The following NOL3 variants were observed in gnomAD, a reference collection of about 807,000 sequenced individuals.
The protein encoded by NOL3 is nucleolar protein 3.
Under a neutral mutation model 19.2 loss-of-function variants are expected in NOL3, and 18 were observed. The ratio of observed to expected loss-of-function variants is 0.94; its 90% CI spans 0.65 to 1.39. The LOEUF (loss-of-function observed/expected upper bound fraction) is 1.39. Among genes scored for constraint, NOL3 ranks in the 40% most tolerant of loss-of-function variants. The pLI is 0.00. For synonymous variants in NOL3, 127 were observed against 137.3 expected (o/e 0.93, Z 0.52); for missense variants, 290 against 289.5 (o/e 1.00, Z -0.01).
At chr16:67,175,062 A>G (rs1355901068) in exon 4 of NOL3, 1 of 1,614,240 alleles carries the variant, frequency 6.2e-7, no homozygotes, top group Non-Finnish European at 8.5e-7. Context: ...TGAAGGCCAG[A>G]GCTCTGACAG....
At chr16:67,173,070 C>T (rs988675291) in intron 1 of NOL3, 6 of 143,770 alleles carry the variant, frequency 4.2e-5, no homozygotes, top group African/African-American at 1.6e-4. Context: ...TGCACTCCAG[C>T]TTGGGCAACA....
chr16:67,174,887 G>A (rs765664586), exon 3 of NOL3: 2 of 1,613,460 alleles, frequency 1.2e-6, no homozygotes, highest in Middle Eastern at 1.6e-4. Context: ...GCCGGAACTG[G>A]AGCCAGAACC....
exon 4 of NOL3, chr16:67,175,224 G>A (rs1470044421): frequency 2.6e-6 from 4 of 1,509,812 alleles, no homozygotes; most frequent in Admixed American, 2.2e-5. Flanking sequence ...CTGGCTGTTT[G>A]CCCAGGAACT....
rs1597248138 is a variant in NOL3 at position 67,170,706 on chromosome 16, T to G, written c.-9+132T>G. On this transcript the variant is annotated intron_variant, in intron 1 of 3. Transcript: ENST00000268605. This position sits in a 1 kb window ranked among gnomAD's most constrained non-coding sequence, Gnocchi z 5.7. ...GCGCTCGGGGGTCGGGGGGGCGGGG[T>G]GGGTAGGACTGTGGGCCCCGCCCTG... The G allele has an allele frequency of 1.4e-5, 2 of 141,316 alleles. No homozygotes were observed. The highest frequency in any genetic ancestry group is 2.7e-5 in the African/African-American group (1 of 36,536). The allele number at this position is 141,316 out of a possible 1,614,324, so 8.8% of individuals were successfully genotyped here. A position where few individuals can be genotyped will look rare whatever the true frequency, so the allele number is the denominator to read the frequency against.
At chr16:67,175,286 C>A (rs747502764) in exon 4 of NOL3, 13 of 1,426,444 alleles carry the variant, frequency 9.1e-6, no homozygotes, top group African/African-American at 1.4e-5. Context: ...AAGCCCACCA[C>A]GAGCATCATC....
exon 3 of NOL3, chr16:67,174,880 G>GGAACTGGAGCCA (rs1567677252): frequency 2.5e-6 from 4 of 1,612,416 alleles, no homozygotes; most frequent in Non-Finnish European, 3.4e-6. Flanking sequence ...AACCAGAGCC[G>GGAACTGGAGCCA]GAACTGGAGC....
At chr16:67,173,932 G>A in intron 1 of NOL3, 1 of 1,536,346 alleles carries the variant, frequency 6.5e-7, no homozygotes, top group East Asian at 2.4e-5. Flanking sequence ...GGGACAGAAG[G>A]AGGAGCCTGA....
At chr16:67,175,134 C>G in exon 4 of NOL3, 1 of 1,613,206 alleles carries the variant, frequency 6.2e-7, no homozygotes, top group Non-Finnish European at 8.5e-7. Context: ...CGGATGCCAC[C>G]AAGGCTCGGT....
At position 67,174,827 on chromosome 16, in the gene NOL3, G is replaced by C. The variant is rs1807844239; in HGVS notation, c.502G>C (p.Glu168Gln). Residue 168 changes from glutamate to glutamine, a missense_variant, in exon 3 of 4, where the codon GAG (glutamate) becomes CAG (glutamine). Physicochemically the swap from Glu to Gln is conservative, Grantham distance 29 (BLOSUM62 2). Around this residue, in one of 3 missense-constraint regions of NOL3, gnomAD observed 123 missense variants for 107.0 expected, o/e 1.15. Coordinates refer to ENST00000268605, the Ensembl canonical transcript of NOL3. ...TGAGGCCTCTAAAGAGGCTGAACCG[G>C]AGCCGGAGCCAGAGCCAGAGCTGGA... 6.9e-6 allele frequency: 11 copies of C among 1,604,006 alleles called. No individual in the cohort carries two copies. The highest frequency in any genetic ancestry group is 2.3e-5 in the East Asian group (1 of 44,422).
chr16:67,172,475 GGT>G (rs1452906346), intron 1 of NOL3, among the ~76,000 whole-genome samples: 1 of 151,530 alleles, frequency 6.6e-6, no homozygotes, highest in African/African-American at 2.4e-5. Context: ...AGCTGAGCGT[GGT>G]GCGGGCACCT....
At chr16:67,175,406 C>A in exon 4 of NOL3, 1 of 1,133,074 alleles carries the variant, frequency 8.8e-7, no homozygotes, top group Non-Finnish European at 1.1e-6. Flanking sequence ...ATACACAACC[C>A]ATTTCCCCTG....
chr16:67,175,047 A>T, exon 4 of NOL3: 1 of 1,614,200 alleles, frequency 6.2e-7, no homozygotes, highest in Non-Finnish European at 8.5e-7. Context: ...TCATCTCTAG[A>T]TTCCTGAAGG....
chr16:67,175,357 A>G (rs2032117969), exon 4 of NOL3: 5 of 1,284,640 alleles, frequency 3.9e-6, no homozygotes, highest in Non-Finnish European at 3.9e-6. Context: ...TCCCAAACCT[A>G]GCCCCCTAGT....
intron 1 of NOL3, among the ~76,000 whole-genome samples, chr16:67,173,469 G>T (rs1193437762): frequency 6.6e-6 from 1 of 152,006 alleles, no homozygotes; most frequent in Non-Finnish European, 1.5e-5. Context: ...TAGAGGCGGG[G>T]CTTGTCCTGG....
In NOL3 at chr16:67,174,733, CG is replaced by C. The variant is rs1567676672; in HGVS notation, c.413del (p.Gly138AlafsTer86). 1 of 1,610,564 alleles carries C rather than the reference CG, an allele frequency of 6.2e-7. No homozygotes were observed. Among genetic ancestry groups the C allele is most frequent in the East Asian group, 2.2e-5 (1 of 44,806 alleles). ...CCAGAGCTTCAGACCCTGACGAGGCCGGGGGCCCTGAGGGCTCCGAGGCGGT... is the reference window on the plus strand; with the variant it reads ...CCAGAGCTTCAGACCCTGACGAGGCCGGGGCCCTGAGGGCTCCGAGGCGGT... On this transcript the variant is annotated frameshift_variant, in exon 3 of 4. Transcript: ENST00000268605. LOFTEE classifies it high-confidence loss of function.
intron 2 of NOL3, 26 bp downstream of exon 2, chr16:67,174,490 G>C (rs762898565): frequency 6.8e-7 from 1 of 1,474,714 alleles, no homozygotes; most frequent in African/African-American, 1.4e-5. Context: ...GGGGCCTAGG[G>C]CAGAGCAGGG....
rs532590067 is a variant in NOL3, at chr16:67,175,031, T to C, written c.620-16T>C. On this transcript the variant is annotated splice_polypyrimidine_tract_variant and intron_variant, in intron 3 of 3. Transcript: ENST00000268605. ...CCGGACCCCACCTCTTTGACCACTGTTCCCGTCATCTCTAGATTCCTGAAG... is the reference window on the plus strand; with the variant it reads ...CCGGACCCCACCTCTTTGACCACTGCTCCCGTCATCTCTAGATTCCTGAAG... The C allele has an allele frequency of 9.7e-5, 156 of 1,614,098 alleles. No individual in the cohort carries two copies. In the East Asian group the frequency reaches 3.0e-3, roughly 31 times the overall value.
At chr16:67,174,744 A>G in exon 3 of NOL3, 1 of 1,610,042 alleles carries the variant, frequency 6.2e-7, no homozygotes. Context: ...GGGGGCCCTG[A>G]GGGCTCCGAG....
At chr16:67,173,234 A>G (rs576295828) in intron 1 of NOL3, among the ~76,000 whole-genome samples, 1 of 152,330 alleles carries the variant, frequency 6.6e-6, no homozygotes, top group Admixed American at 6.5e-5. Context: ...GTCTGTAGGT[A>G]ATTCCCAGGT....
Sources: allele counts gnomAD v4.1 joint callset (sites outside exome capture counted in the v4.1 genomes callset), GRCh38; gene constraint gnomAD v4.1.1; regional missense constraint gnomAD v4.1.1; non-coding constraint Gnocchi (gnomAD v3.1); transcripts MANE v1.5; gene names NCBI Gene and HGNC (gene_info 2026-07-23, HGNC 2026-07-21).